ELFN2: variants seen among roughly 807,000 people sequenced by gnomAD.
The protein encoded by ELFN2 is extracellular leucine rich repeat and fibronectin type III domain containing 2.
Under a neutral mutation model 45.5 loss-of-function variants are expected in ELFN2, and 17 were observed. The observed-to-expected ratio is 0.37, with a 90% CI of 0.26 to 0.56. The LOEUF (loss-of-function observed/expected upper bound fraction) is 0.56, where lower values mean the gene tolerates loss of function less well. Among genes scored for constraint, ELFN2 ranks in the 20% least tolerant of loss-of-function variants. ELFN2 has a pLI of 0.77. For missense variants in ELFN2, 922 were observed against 1,183.2 expected, an observed-to-expected ratio of 0.78 and a Z score of 3.24; for synonymous variants, 550 against 551.5, an observed-to-expected ratio of 1.00 and a Z score of 0.04.
At position 37,362,518 on chromosome 22, in the gene ELFN2, T is replaced by C. The variant is rs770771017; in HGVS notation, n.149-19815A>G. Among the ~76,000 whole-genome samples, 32 of 152,178 alleles carry C rather than the reference T, an allele frequency of 2.1e-4. 1 individual carries two copies. Among genetic ancestry groups the C allele is most frequent in the Non-Finnish European group, 2.5e-4 (17 of 68,024 alleles). On this transcript the variant is annotated intron_variant and non_coding_transcript_variant, in intron 1 of 2. Transcript: ENST00000452946. ...GGGCCGGCACAGGCCCCAGGATTAT[T>C]GTACAGGTGGCATCTCTCGACACTC... is the stretch of plus-strand genomic sequence containing the variant.
At chr22:37,347,990 C>T (rs571206888) in intron 1 of ELFN2, among the ~76,000 whole-genome samples, 4 of 152,316 alleles carry the variant, frequency 2.6e-5, no homozygotes, top group Middle Eastern at 3.4e-3. Context: ...GGTGGGAGTC[C>T]CTCGTTCTGC....
At chr22:37,406,492 C>A (rs1220146073) in intron 2 of ELFN2, among the ~76,000 whole-genome samples, 1 of 152,206 alleles carries the variant, frequency 6.6e-6, no homozygotes, top group Admixed American at 6.5e-5. Flanking sequence ...CAGACAGTGC[C>A]TCCCATCCAT....
intron 2 of ELFN2, among the ~76,000 whole-genome samples, chr22:37,415,596 G>A (rs1932751887): frequency 6.6e-6 from 1 of 152,200 alleles, no homozygotes; most frequent in Non-Finnish European, 1.5e-5. Flanking sequence ...GGAAAGGTAC[G>A]ATGCCACAGA....
At position 37,427,446 on chromosome 22, in the gene ELFN2, G is replaced by C. The variant is rs2145698959; in HGVS notation, c.-762C>G. 6.5e-6 allele frequency: 1 copy of C among 152,958 alleles called. No homozygotes were observed. Among genetic ancestry groups the C allele is most frequent in the East Asian group, 1.9e-4 (1 of 5,182 alleles). 9.5% of individuals were successfully genotyped at this position (152,958 alleles called of 1,614,324 possible). The stretch of plus-strand genomic sequence containing the variant: ...CGTGGGGTGGCCCGCGTGTGTCTGT[G>C]TGTGTGTCTGGGAGCGCGCGTGTGC... On this transcript the variant is annotated 5_prime_UTR_variant, in exon 1 of 3. Transcript: ENST00000402918.
chr22:37,419,075 G>C (rs192089481), intron 1 of ELFN2: 1 of 151,812 alleles, frequency 6.6e-6, no homozygotes, highest in African/African-American at 2.4e-5. Flanking sequence ...CCTCGGCATT[G>C]CCATTCACAA....
chr22:37,351,969 G>A (rs539896286), intron 1 of ELFN2, among the ~76,000 whole-genome samples: 13 of 151,028 alleles, frequency 8.6e-5, no homozygotes, highest in Admixed American at 4.6e-4. Context: ...AGTAGACTGG[G>A]CTGCCCAACT....
intron 2 of ELFN2, among the ~76,000 whole-genome samples, chr22:37,405,042 AC>A (rs1446188108): frequency 6.7e-6 from 1 of 148,554 alleles, no homozygotes; most frequent in African/African-American, 2.5e-5. Context: ...TCCCCTACTT[AC>A]CAACTGTGGA....
chr22:37,355,068 C>T (rs945883901), intron 1 of ELFN2, among the ~76,000 whole-genome samples: 34 of 152,306 alleles, frequency 2.2e-4, no homozygotes, highest in Middle Eastern at 3.4e-3. Context: ...CTTTTCAGGA[C>T]GGGAGGATAC....
At chr22:37,384,764 C>T (rs1931898472) in intron 2 of ELFN2, 2 of 142,074 alleles carry the variant, frequency 1.4e-5, no homozygotes, top group Admixed American at 7.1e-5. Context: ...ATTCCCACTC[C>T]TGACCCCTGC....
At chr22:37,386,262 C>A (rs1348010230) in intron 2 of ELFN2, among the ~76,000 whole-genome samples, 1 of 152,174 alleles carries the variant, frequency 6.6e-6, no homozygotes, top group African/African-American at 2.4e-5. Context: ...CACCACAGCT[C>A]ACCAAGGGGC....
At chr22:37,347,749 A>T (rs1930731785) in intron 1 of ELFN2, among the ~76,000 whole-genome samples, 1 of 152,024 alleles carries the variant, frequency 6.6e-6, no homozygotes, top group Admixed American at 6.5e-5. Context: ...TTAAGAGTTC[A>T]CTATGAAGAT....
rs541438714 is a variant in ELFN2, at chr22:37,419,262, A to G, written c.-613-1343T>C. 5.3e-5 allele frequency among the ~76,000 whole-genome samples: 8 copies of G among 151,956 alleles called. No homozygotes were observed. In the East Asian group the frequency reaches 9.7e-4, roughly 18 times the overall value. On this transcript the variant is annotated intron_variant, in intron 1 of 2. Coordinates refer to ENST00000402918, the MANE Select transcript of ELFN2 (RefSeq NM_052906.5). ...GGAAAGGCTCCCAGGCCTAGCTGGG[A>G]GCACACAATTGACCCTCAGCCCCTC...
Position 37,373,291 on chromosome 22 carries a change from G to T in ELFN2, c.2244C>A (p.Pro748=). The part of the protein sequence containing the change: ...KRDSTYSQLS[P]RHYYSGYSSS... The stretch of plus-strand genomic sequence containing the variant: ...AGGAGTACCCTGAGTAGTAGTGTCT[G>T]GGGGAGAGCTGCGAGTAGGTGGAGT... Residue 748 remains proline, a synonymous_variant, in exon 3 of 3, where the codon CCC becomes CCA. Coordinates refer to ENST00000402918, the MANE Select transcript of ELFN2 (RefSeq NM_052906.5). 1 of 1,613,764 alleles carries T rather than the reference G, an allele frequency of 6.2e-7. No homozygotes were observed. The highest frequency in any genetic ancestry group is 8.5e-7 in the Non-Finnish European group (1 of 1,179,948).
downstream of ELFN2, among the ~76,000 whole-genome samples, chr22:37,363,744 A>C (rs1299661779): frequency 6.6e-6 from 1 of 152,290 alleles, no homozygotes; most frequent in East Asian, 1.9e-4. Flanking sequence ...GGGAAAGCAG[A>C]AAAGCCCTAG....
chr22:37,421,334 C>T (rs545009952), intron 1 of ELFN2, among the ~76,000 whole-genome samples: 1 of 152,348 alleles, frequency 6.6e-6, no homozygotes, highest in Non-Finnish European at 1.5e-5. Flanking sequence ...AGCGCCTTGC[C>T]CGATGCCTGG....
At chr22:37,397,047 T>C (rs1205950706) in intron 2 of ELFN2, among the ~76,000 whole-genome samples, 1 of 152,048 alleles carries the variant, frequency 6.6e-6, no homozygotes, top group Non-Finnish European at 1.5e-5. Flanking sequence ...GAGCCTAAGC[T>C]CCTTCTTGGT....
intron 2 of ELFN2, among the ~76,000 whole-genome samples, chr22:37,396,019 C>T (rs769130915): frequency 1.3e-5 from 2 of 152,286 alleles, no homozygotes; most frequent in Non-Finnish European, 2.9e-5. Flanking sequence ...CCGCTACCAC[C>T]GGAGGGCTGG....
Position 37,373,376 on chromosome 22 carries a change from C to A in ELFN2, c.2159G>T (p.Gly720Val). Residue 720 changes from glycine to valine, a missense_variant, in exon 3 of 3, where the codon GGT (glycine) becomes GTT (valine). Coordinates refer to ENST00000402918, the MANE Select transcript of ELFN2 (RefSeq NM_052906.5). ...CACGCGCTGGCTCAGGCTGTCGGCA[C>A]CCTCCTCGTAGTACAGGGCGGGAAA... The part of the protein sequence containing the change: ...HSFPALYYEE[G>V]ADSLSQRVSF... 1.2e-6 allele frequency: 2 copies of A among 1,611,560 alleles called. No homozygotes were observed. The highest frequency in any genetic ancestry group is 2.2e-5 in the East Asian group (1 of 44,824).
chr22:37,389,634 C>T (rs549196887), intron 2 of ELFN2, among the ~76,000 whole-genome samples: 130 of 152,206 alleles, frequency 8.5e-4, no homozygotes, highest in Middle Eastern at 3.4e-3. Context: ...GAGGTGCGGA[C>T]GAGGAACAGC....
Sources: gnomAD v4.1 joint callset for allele counts (sites outside exome capture counted in the v4.1 genomes callset) on GRCh38, gnomAD v4.1.1 for gene constraint, MANE v1.5 for transcripts, NCBI Gene and HGNC (gene_info 2026-07-23, HGNC 2026-07-21) for gene names.